Variants in PALD1 observed in about 807,000 individuals in gnomAD.
The protein encoded by PALD1 is paladin.
PALD1 carries 57 observed loss-of-function variants against 96.0 expected under a neutral mutation model. That is an observed-to-expected ratio of 0.59 (90% CI 0.48 to 0.74). The LOEUF is 0.74. PALD1 is among the 30% of genes least tolerant of loss of function. The pLI, the probability that PALD1 is intolerant of heterozygous loss-of-function variation, is 0.00. For missense variants in PALD1, 1,063 were observed against 1,143.7 expected, an observed-to-expected ratio of 0.93 and a Z score of 1.02; for synonymous variants, 464 against 473.6, an observed-to-expected ratio of 0.98 and a Z score of 0.26.
chr10:70,485,047 TCTTTTCA>T (rs1440817888), intron 1 of PALD1, among the ~76,000 whole-genome samples: 23 of 152,224 alleles, frequency 1.5e-4, no homozygotes, highest in African/African-American at 5.1e-4. Flanking sequence ...CAAAGAACTG[TCTTTTCA>T]TGTGAAATTC....
At chr10:70,552,159 G>T (rs780474917) in intron 18 of PALD1, among the ~76,000 whole-genome samples, 2 of 152,218 alleles carry the variant, frequency 1.3e-5, no homozygotes, top group Non-Finnish European at 2.9e-5. Context: ...TGACGTTCTC[G>T]TAGGGCAGAG....
At chr10:70,489,670 C>T (rs1159276521) in intron 1 of PALD1, among the ~76,000 whole-genome samples, 1 of 152,162 alleles carries the variant, frequency 6.6e-6, no homozygotes, top group Non-Finnish European at 1.5e-5. Context: ...ATTCACAGCC[C>T]TATTGAGATC....
intron 10 of PALD1, among the ~76,000 whole-genome samples, chr10:70,535,341 T>G (rs61857082): frequency 0.11 from 17,448 of 152,148 alleles, 1,149 homozygotes; most frequent in South Asian, 0.18. Context: ...AGAGGCAGCT[T>G]CTTCTTTTTT....
intron 1 of PALD1, among the ~76,000 whole-genome samples, chr10:70,486,872 GC>G (rs1277010318): frequency 3.3e-5 from 5 of 152,148 alleles, no homozygotes; most frequent in South Asian, 2.1e-4. Flanking sequence ...TCCCGAGGCA[GC>G]CCTGTCTGCT....
At chr10:70,518,997 G>A (rs1037581557) in intron 1 of PALD1, among the ~76,000 whole-genome samples, 6 of 152,266 alleles carry the variant, frequency 3.9e-5, no homozygotes, top group Non-Finnish European at 8.8e-5. Context: ...GGAGAAAGGA[G>A]CCCTGAGTCC....
chr10:70,510,882 C>T (rs1468904475), intron 1 of PALD1, among the ~76,000 whole-genome samples: 3 of 152,286 alleles, frequency 2.0e-5, no homozygotes, highest in Middle Eastern at 3.4e-3. Flanking sequence ...CATGCTGTCT[C>T]GCAGTTAGTG....
intron 1 of PALD1, among the ~76,000 whole-genome samples, chr10:70,495,296 A>T (rs145412492): frequency 6.6e-6 from 1 of 152,322 alleles, no homozygotes; most frequent in Non-Finnish European, 1.5e-5. Context: ...ATCACAATGT[A>T]TACAGTGTAT....
chr10:70,463,331 A>C, the PALD1 span, among the ~76,000 whole-genome samples: 10 of 152,076 alleles, frequency 6.6e-5, no homozygotes, highest in African/African-American at 2.4e-4. Flanking sequence ...AATGGCGTGA[A>C]CCCGGCAGGC....
chr10:70,523,597 T>C lies in PALD1; in HGVS notation c.-29-2326T>C, dbSNP rs116051330. On this transcript the variant is annotated intron_variant, in intron 1 of 19. Coordinates refer to ENST00000263563, the MANE Select transcript of PALD1 (RefSeq NM_014431.3). Reference sequence around the variant, plus strand: ...CTGCCTATTTTTCTGTTTGGGAACATAGAGGCTCATTCCCTCCACCCTTGC... The same window carrying C: ...CTGCCTATTTTTCTGTTTGGGAACACAGAGGCTCATTCCCTCCACCCTTGC... 2.1e-3 allele frequency among the ~76,000 whole-genome samples: 319 copies of C among 152,110 alleles called. 1 individual carries two copies. Among genetic ancestry groups the C allele is most frequent in the African/African-American group, 7.5e-3 (312 of 41,492 alleles).
intron 18 of PALD1, among the ~76,000 whole-genome samples, chr10:70,557,292 G>A (rs1169035760): frequency 3.3e-5 from 5 of 152,186 alleles, no homozygotes; most frequent in African/African-American, 1.2e-4. Flanking sequence ...GTGGGATGGG[G>A]TGTGGGGTGT....
the PALD1 span, among the ~76,000 whole-genome samples, chr10:70,468,758 A>G: frequency 1.5e-5 from 2 of 135,726 alleles, no homozygotes; most frequent in Non-Finnish European, 3.1e-5. Flanking sequence ...GTGTTTTGAG[A>G]TGGAGTCTCG....
chr10:70,518,594 T>C (rs1444458355), intron 1 of PALD1, among the ~76,000 whole-genome samples: 9 of 152,272 alleles, frequency 5.9e-5, no homozygotes, highest in Non-Finnish European at 8.8e-5. Context: ...GGCATCTGTA[T>C]GTATCTTCAA....
At chr10:70,560,341 C>T (rs1847712290) in intron 18 of PALD1, among the ~76,000 whole-genome samples, 1 of 152,152 alleles carries the variant, frequency 6.6e-6, no homozygotes, top group Non-Finnish European at 1.5e-5. Context: ...GTAGGAAGAG[C>T]TGGGGTCTTG....
intron 18 of PALD1, among the ~76,000 whole-genome samples, chr10:70,562,399 G>A (rs967946226): frequency 3.9e-5 from 6 of 152,240 alleles, no homozygotes; most frequent in Non-Finnish European, 7.3e-5. Context: ...GGGGACCACA[G>A]GCCCTGCTCA....
rs1014557486 is a variant in PALD1 at position 70,509,121 on chromosome 10, G to A, written c.-29-16802G>A. Among the ~76,000 whole-genome samples, 12 of 152,208 alleles carry A rather than the reference G, an allele frequency of 7.9e-5. No individual in the cohort carries two copies. The East Asian group carries it at 1.2e-3, about 15-fold the overall frequency. ...CCCTGGGCATCTGGCTGCCAGGGGC[G>A]TGTGAGAGGCCATGGCTCCGGAAGG... On this transcript the variant is annotated intron_variant, in intron 1 of 19. Transcript: ENST00000263563.
At position 70,538,946 on chromosome 10, in the gene PALD1, G is replaced by A. The variant is rs778186429; in HGVS notation, c.1507G>A (p.Val503Met). Residue 503 changes from valine to methionine, a missense_variant, in exon 13 of 20, where the codon GTG (valine) becomes ATG (methionine). By Grantham distance (21) the Val-to-Met change is conservative (BLOSUM62 1). Transcript: ENST00000263563. ...DALSTVREMD[V>M]ANFRRVPRMP... ...GCTCAGCACTGTCAGAGAGATGGAT[G>A]TGGCCAACTTCCGGCGGGTGCCCCG... The A allele has an allele frequency of 1.9e-6, 3 of 1,613,872 alleles. No homozygotes were observed. The South Asian group carries it at 3.3e-5, about 18-fold the overall frequency.
intron 1 of PALD1, among the ~76,000 whole-genome samples, chr10:70,496,348 T>C (rs1846194756): frequency 6.6e-6 from 1 of 152,190 alleles, no homozygotes; most frequent in Non-Finnish European, 1.5e-5. Context: ...CACCTGTGTC[T>C]CCCTACCCAG....
At chr10:70,547,495 G>A (rs1044175101) in intron 18 of PALD1, 49 bp downstream of exon 18, 1 of 1,228,972 alleles carries the variant, frequency 8.1e-7, no homozygotes, top group Non-Finnish European at 1.1e-6. Flanking sequence ...CACCCTTCCA[G>A]GTGTGCACAG....
At chr10:70,515,588 G>T (rs889108682) in intron 1 of PALD1, among the ~76,000 whole-genome samples, 1 of 152,214 alleles carries the variant, frequency 6.6e-6, no homozygotes, top group African/African-American at 2.4e-5. Context: ...TCAGTGCAGG[G>T]TCAGCCATGG....
Sources: gnomAD v4.1 joint callset for allele counts (sites outside exome capture counted in the v4.1 genomes callset) on GRCh38, gnomAD v4.1.1 for gene constraint, MANE v1.5 for transcripts, NCBI Gene and HGNC (gene_info 2026-07-23, HGNC 2026-07-21) for gene names.